The following CDON variants were observed in gnomAD, a reference collection of about 807,000 sequenced individuals.
CDON encodes cell adhesion molecule-related/down-regulated by oncogenes.
A neutral mutation model predicts 120.9 loss-of-function variants in CDON; 73 were observed. The ratio of observed to expected loss-of-function variants is 0.60; its 90% CI spans 0.50 to 0.73. The LOEUF (loss-of-function observed/expected upper bound fraction) is 0.73. CDON is among the 30% of genes least tolerant of loss of function. CDON has a pLI of 0.00. For synonymous variants in CDON, 566 were observed against 573.5 expected (o/e 0.99, Z 0.19); for missense variants, 1,470 against 1,587.3 (o/e 0.93, Z 1.26).
At chr11:126,037,684 G>A (rs2134804079) in intron 1 of CDON, among the ~76,000 whole-genome samples, 1 of 152,096 alleles carries the variant, frequency 6.6e-6, no homozygotes, top group East Asian at 1.9e-4. Flanking sequence ...TTCAAAACAT[G>A]ACAGGATCCC....
intron 5 of CDON, 97 bp downstream of exon 5, chr11:126,018,233 A>T: frequency 7.7e-7 from 1 of 1,306,982 alleles, no homozygotes. Context: ...TTTTTATGAT[A>T]AACAAACAGG....
At chr11:125,971,362 G>T (rs369264955) in intron 18 of CDON, among the ~76,000 whole-genome samples, 3 of 149,134 alleles carry the variant, frequency 2.0e-5, no homozygotes, top group Non-Finnish European at 4.5e-5. Flanking sequence ...CAGCCTGGGC[G>T]ACACAGCGAG....
At chr11:125,996,502 C>CTCAAACT (rs1372688474) in intron 12 of CDON, among the ~76,000 whole-genome samples, 2 of 151,090 alleles carry the variant, frequency 1.3e-5, no homozygotes, top group African/African-American at 4.9e-5. Flanking sequence ...AGTTTGAGAC[C>CTCAAACT]AGCCTGACTA....
intron 8 of CDON, among the ~76,000 whole-genome samples, chr11:126,009,416 G>C (rs184049768): frequency 6.6e-6 from 1 of 152,292 alleles, no homozygotes; most frequent in Admixed American, 6.5e-5. Context: ...CCAGGGGAGA[G>C]GAACTGTGGG....
Position 126,005,994 on chromosome 11 carries a change from T to C in CDON, c.1616A>G (p.Asp539Gly). ...TTCTGAACCATCTCTCTTACTTCTG[T>C]CATCATTCTGAGCAGCATCAGGAAG... ...VTLPDAAQNDDRSKRDGSETG... is the reference protein window; with the variant it reads ...VTLPDAAQNDGRSKRDGSETG... Residue 539 changes from aspartate (D) to glycine (G), a missense_variant, in exon 9 of 20, where the codon GAC becomes GGC. Physicochemically the swap from Asp to Gly is moderately conservative, Grantham distance 94 (BLOSUM62 -1). Coordinates refer to ENST00000531738, the MANE Select transcript of CDON (RefSeq NM_001378964.1). 6.2e-7 allele frequency: 1 copy of C among 1,614,170 alleles called. No individual in the cohort carries two copies.
Position 126,006,020 on chromosome 11 carries a change from T to C in CDON, c.1590A>G (p.Thr530=), listed in dbSNP as rs1203163164. 4 of 1,614,106 alleles carry C rather than the reference T, an allele frequency of 2.5e-6. No individual in the cohort carries two copies. Among genetic ancestry groups the C allele is most frequent in the Middle Eastern group, 1.6e-4 (1 of 6,062 alleles). ...CATCATTCTGAGCAGCATCAGGAAGTGTGACTGTCTCTGCTTTTGTATTTG... is the reference window on the plus strand; with the variant it reads ...CATCATTCTGAGCAGCATCAGGAAGCGTGACTGTCTCTGCTTTTGTATTTG... ...FETNTKAETV[T]LPDAAQNDDR... Residue 530 remains threonine, a synonymous_variant, in exon 9 of 20, where the codon ACA becomes ACG. Coordinates refer to ENST00000531738, the MANE Select transcript of CDON (RefSeq NM_001378964.1).
At position 126,019,712 on chromosome 11, in the gene CDON, T is replaced by G. The variant is rs1012904303; in HGVS notation, c.403A>C (p.Ser135Arg). ...ACCCTGCAGCCAATGAAACCAGCAC[T>G]TTTTTCTTCTGCTGTAATAACATGC... is the stretch of plus-strand genomic sequence containing the variant. The part of the protein sequence containing the change: ...TKHVITAEEK[S>R]AGFIGCRVPE... The change falls in exon 4 of 20, where the codon AGT becomes CGT. Residue 135 changes from serine (S) to arginine (R), a missense_variant. Transcript: ENST00000531738. The G allele has an allele frequency of 4.3e-6, 7 of 1,614,058 alleles. No individual in the cohort carries two copies. The highest frequency in any genetic ancestry group is 1.7e-5 in the Admixed American group (1 of 60,024).
At chr11:125,986,584 T>C (rs1265465683) in intron 15 of CDON, among the ~76,000 whole-genome samples, 1 of 151,976 alleles carries the variant, frequency 6.6e-6, no homozygotes, top group African/African-American at 2.4e-5. Context: ...GCTAACACGG[T>C]GAAACCCCAT....
chr11:126,053,961 AT>A (rs967537240), intron 1 of CDON, among the ~76,000 whole-genome samples: 18 of 152,274 alleles, frequency 1.2e-4, no homozygotes, highest in African/African-American at 4.3e-4. Flanking sequence ...AAAATGTCTT[AT>A]CCCCAGCTTG....
At chr11:125,977,910 T>A (rs889244953) in intron 18 of CDON, among the ~76,000 whole-genome samples, 1 of 151,480 alleles carries the variant, frequency 6.6e-6, no homozygotes, top group Non-Finnish European at 1.5e-5. Flanking sequence ...ATACAGAGGG[T>A]TCCCCCCTCC....
At chr11:125,982,701 CATT>C (rs1946348720) in intron 16 of CDON, among the ~76,000 whole-genome samples, 1 of 152,174 alleles carries the variant, frequency 6.6e-6, no homozygotes, top group African/African-American at 2.4e-5. Flanking sequence ...CATTTTTAAA[CATT>C]ATCAGGTCAC....
chr11:125,966,384 T>C (rs149897607), intron 18 of CDON, among the ~76,000 whole-genome samples: 1 of 152,242 alleles, frequency 6.6e-6, no homozygotes, highest in East Asian at 1.9e-4. Flanking sequence ...AAGAGCATGC[T>C]GGGCACAGGC....
intron 1 of CDON, among the ~76,000 whole-genome samples, chr11:126,050,310 C>T (rs1477645343): frequency 6.6e-6 from 1 of 151,566 alleles, no homozygotes; most frequent in African/African-American, 2.4e-5. Context: ...CTAAAATAAA[C>T]CTAAAAAGAA....
chr11:126,005,674 T>C, intron 9 of CDON, 85 bp downstream of exon 9: 1 of 1,266,202 alleles, frequency 7.9e-7, no homozygotes. Context: ...TTCCTGCCAT[T>C]CTACAAATGA....
intron 13 of CDON, 79 bp downstream of exon 13, chr11:125,994,787 TTACTG>T: frequency 8.1e-7 from 1 of 1,230,180 alleles, no homozygotes; most frequent in Admixed American, 1.9e-5. Context: ...AATTTGCTGT[TTACTG>T]TATTGTGTCA....
intron 1 of CDON, among the ~76,000 whole-genome samples, chr11:126,024,555 T>TG (rs1487590181): frequency 1.3e-5 from 2 of 151,948 alleles, no homozygotes; most frequent in Non-Finnish European, 2.9e-5. Flanking sequence ...TTTACTGAAA[T>TG]GGGGAAGACT....
intron 1 of CDON, among the ~76,000 whole-genome samples, chr11:126,029,977 T>C (rs898896724): frequency 1.3e-5 from 2 of 152,150 alleles, no homozygotes; most frequent in African/African-American, 4.8e-5. Context: ...GCTGTAAAAA[T>C]CTCTGGAGGC....
At chr11:125,995,400 A>G (rs1946752831) in intron 12 of CDON, among the ~76,000 whole-genome samples, 1 of 152,202 alleles carries the variant, frequency 6.6e-6, no homozygotes, top group Non-Finnish European at 1.5e-5. Flanking sequence ...AGTCATACCC[A>G]TCAATGACAG....
chr11:126,010,993 C>G (rs780509158), intron 7 of CDON: 1 of 463,906 alleles, frequency 2.2e-6, no homozygotes, highest in Non-Finnish European at 4.2e-6. Flanking sequence ...TATCTGACCA[C>G]TGCAAATATA....
Sources: gnomAD v4.1 joint callset for allele counts (sites outside exome capture counted in the v4.1 genomes callset) on GRCh38, gnomAD v4.1.1 for gene constraint, MANE v1.5 for transcripts, NCBI Gene and HGNC (gene_info 2026-07-23, HGNC 2026-07-21) for gene names.